Variants in VPS13B observed in about 807,000 individuals in gnomAD.
VPS13B encodes vacuolar protein sorting 13 homolog B.
VPS13B carries 285 observed loss-of-function variants against 426.4 expected under a neutral mutation model. The ratio of observed to expected loss-of-function variants is 0.67; its 90% CI spans 0.61 to 0.74. The LOEUF (loss-of-function observed/expected upper bound fraction) is 0.74, where lower values mean the gene tolerates loss of function less well. Ranked by LOEUF, VPS13B falls within the 30% of genes least tolerant of loss-of-function variation. The probability of loss-of-function intolerance (pLI) is 0.00; values close to 1 mark genes in which losing one functional copy is unlikely to be tolerated. For missense variants in VPS13B, 4,537 were observed against 4,782.6 expected (o/e 0.95, Z 1.51); for synonymous variants, 1,676 against 1,676.4 (o/e 1.00, Z 0.01).
At chr8:99,373,707 A>C (rs1051687635) in intron 19 of VPS13B, among the ~76,000 whole-genome samples, 7 of 152,130 alleles carry the variant, frequency 4.6e-5, no homozygotes, top group Non-Finnish European at 1.0e-4. Context: ...AAAATATAAA[A>C]TAAAAATAGC....
chr8:99,605,696 GTCTC>G (rs1412274464), intron 33 of VPS13B, among the ~76,000 whole-genome samples: 2 of 152,200 alleles, frequency 1.3e-5, no homozygotes, highest in Admixed American at 1.3e-4. Context: ...GAATGTGGGT[GTCTC>G]TCTATCTGTG....
chr8:99,744,776 T>C lies in VPS13B; in HGVS notation c.7051-21998T>C, dbSNP rs575918726. Among the ~76,000 whole-genome samples, 72 of 137,062 alleles carry C rather than the reference T, an allele frequency of 5.3e-4. 1 individual carries two copies. The highest frequency in any genetic ancestry group is 1.2e-3 in the African/African-American group (42 of 35,880). The allele number at this position is 137,062 out of a possible 152,430, so 89.9% of individuals were successfully genotyped here. On this transcript the variant is annotated intron_variant, in intron 39 of 61. Transcript: ENST00000357162. ...ATAGGTGGGAATTGAACAATGAGAA[T>C]ACATGGACACAGGAAGGGGAACATC...
At chr8:99,418,473 TTC>T (rs1379473159) in intron 21 of VPS13B, among the ~76,000 whole-genome samples, 1 of 144,776 alleles carries the variant, frequency 6.9e-6, no homozygotes, top group African/African-American at 2.7e-5. Context: ...CTTTCTTTCT[TTC>T]TTTCTTTCTT....
chr8:99,147,985 TA>T lies in VPS13B; in HGVS notation c.1989del (p.Leu663PhefsTer15). ...SMAEFNLLDH[L>X]LPVIMGEKNS... ...GCTGAATTCAACTTGCTGGACCATT[TA>T]CTACCTGTCATTATGGGAGAAAAGG... On this transcript the variant is annotated frameshift_variant, in exon 14 of 62. Transcript: ENST00000357162. LOFTEE classifies it high-confidence loss of function. The T allele has an allele frequency of 6.2e-7, 1 of 1,613,700 alleles. No individual in the cohort carries two copies. Among genetic ancestry groups the T allele is most frequent in the Non-Finnish European group, 8.5e-7 (1 of 1,179,772 alleles).
At chr8:99,046,632 A>G (rs551301943) in intron 3 of VPS13B, among the ~76,000 whole-genome samples, 2 of 152,232 alleles carry the variant, frequency 1.3e-5, no homozygotes, top group East Asian at 3.9e-4. Context: ...CTTCCCTAAA[A>G]GAATGCTTTC....
chr8:99,360,127 TTTC>T (rs1812426271), intron 19 of VPS13B, among the ~76,000 whole-genome samples: 3 of 17,910 alleles, frequency 1.7e-4, no homozygotes, highest in South Asian at 2.0e-3. Flanking sequence ...CTTATCTTTC[TTTC>T]TTTCTTTCTT....
At chr8:99,037,516 T>A (rs1435865372) in intron 2 of VPS13B, among the ~76,000 whole-genome samples, 1 of 152,156 alleles carries the variant, frequency 6.6e-6, no homozygotes. Context: ...CTATACTGTC[T>A]GTATTTAGGC....
intron 35 of VPS13B, among the ~76,000 whole-genome samples, chr8:99,684,843 G>A (rs930767762): frequency 9.9e-5 from 15 of 152,060 alleles, no homozygotes; most frequent in African/African-American, 1.7e-4. Context: ...TTGCTCTGTC[G>A]CCCAGGCTGG....
Position 99,835,253 on chromosome 8 carries a change from A to G in VPS13B, c.9671A>G (p.Glu3224Gly). 1.1e-5 allele frequency: 17 copies of G among 1,614,050 alleles called. No individual in the cohort carries two copies. The highest frequency in any genetic ancestry group is 1.4e-5 in the Non-Finnish European group (17 of 1,179,964). Residue 3224 changes from glutamate to glycine, a missense_variant, in exon 53 of 62, where the codon GAA becomes GGA. By Grantham distance (98) the Glu-to-Gly change is moderately conservative (BLOSUM62 -2). This residue lies in a region of VPS13B where 4,311 missense variants were observed against 4,474.3 expected (regional missense o/e 0.96). Coordinates refer to ENST00000357162, the MANE Select transcript of VPS13B (RefSeq NM_152564.5). The part of the protein sequence containing the change: ...HLGVTYLTLS[E>G]DPSPRVIIHN... ...GGAGTGACTTATTTAACCCTCTCAG[A>G]AGACCCTAGTCCTCGAGTAATTATC...
chr8:99,650,346 A>G (rs1183108938), intron 34 of VPS13B, among the ~76,000 whole-genome samples: 4 of 152,178 alleles, frequency 2.6e-5, no homozygotes, highest in Non-Finnish European at 4.4e-5. Flanking sequence ...CTTTCCTTTC[A>G]TATACTATCA....
intron 37 of VPS13B, among the ~76,000 whole-genome samples, chr8:99,717,859 A>G (rs79142522): frequency 0.02 from 3,003 of 152,248 alleles, 107 homozygotes; most frequent in African/African-American, 0.069. Context: ...TCAATATTTT[A>G]TTCCTTTTTA....
At chr8:99,314,545 T>C (rs1367426785) in intron 19 of VPS13B, among the ~76,000 whole-genome samples, 2 of 152,134 alleles carry the variant, frequency 1.3e-5, no homozygotes, top group African/African-American at 4.8e-5. Context: ...ATTATTATAT[T>C]GGAGTGATTG....
intron 3 of VPS13B, among the ~76,000 whole-genome samples, chr8:99,072,549 G>C (rs1844903255): frequency 6.6e-6 from 1 of 152,098 alleles, no homozygotes; most frequent in South Asian, 2.1e-4. Flanking sequence ...GTGGAGCCAG[G>C]GGTGCGGGGC....
At chr8:99,714,165 A>G (rs1489536394) in intron 36 of VPS13B, among the ~76,000 whole-genome samples, 2 of 151,492 alleles carry the variant, frequency 1.3e-5, no homozygotes, top group African/African-American at 2.4e-5. Context: ...AAAGACAGGC[A>G]TATACTAAAA....
intron 25 of VPS13B, among the ~76,000 whole-genome samples, chr8:99,490,325 G>A (rs769608469): frequency 9.2e-5 from 14 of 152,180 alleles, no homozygotes; most frequent in African/African-American, 2.6e-4. Context: ...GATGATTTTC[G>A]CGTTGATGTT....
chr8:99,474,623 C>T (rs997676940), intron 24 of VPS13B, among the ~76,000 whole-genome samples: 6 of 151,974 alleles, frequency 3.9e-5, no homozygotes, highest in Admixed American at 3.9e-4. Context: ...AAAATATGCC[C>T]AATATCATTA....
At chr8:99,322,547 A>T (rs1810033432) in intron 19 of VPS13B, among the ~76,000 whole-genome samples, 1 of 152,242 alleles carries the variant, frequency 6.6e-6, no homozygotes, top group Non-Finnish European at 1.5e-5. Context: ...GTTGGTCATT[A>T]GACTTATTTT....
At chr8:99,863,272 C>T (rs1052506711) in intron 58 of VPS13B, among the ~76,000 whole-genome samples, 1 of 152,014 alleles carries the variant, frequency 6.6e-6, no homozygotes, top group African/African-American at 2.4e-5. Context: ...TCCAAGAGTG[C>T]CTCAGCAAAA....
intron 19 of VPS13B, among the ~76,000 whole-genome samples, chr8:99,311,941 G>T (rs1821001008): frequency 6.6e-6 from 1 of 151,864 alleles, no homozygotes; most frequent in Admixed American, 6.6e-5. Context: ...TCTTTGTCTC[G>T]ATTTTGATCT....
Sources: allele counts gnomAD v4.1 joint callset (sites outside exome capture counted in the v4.1 genomes callset), GRCh38; gene constraint gnomAD v4.1.1; regional missense constraint gnomAD v4.1.1; transcripts MANE v1.5; gene names NCBI Gene and HGNC (gene_info 2026-07-23, HGNC 2026-07-21).